The following OGDH variants were observed in gnomAD, a reference collection of about 807,000 sequenced individuals.
The protein encoded by OGDH is 2-oxoglutarate dehydrogenase complex component E1.
OGDH carries 38 observed loss-of-function variants against 116.6 expected under a neutral mutation model. The observed-to-expected ratio is 0.33, with a 90% CI of 0.25 to 0.43. The LOEUF is 0.43. Among genes scored for constraint, OGDH ranks in the 20% least tolerant of loss-of-function variants. The pLI is 1.00. For missense variants in OGDH, 825 were observed against 1,357.2 expected, an observed-to-expected ratio of 0.61 and a Z score of 6.16; for synonymous variants, 488 against 533.3, an observed-to-expected ratio of 0.92 and a Z score of 1.17.
intron 10 of OGDH, 61 bp from the exon 11 acceptor site, chr7:44,693,764 C>A: frequency 3.4e-6 from 5 of 1,486,694 alleles, no homozygotes; most frequent in Non-Finnish European, 4.6e-6. Flanking sequence ...TCAGCCCCGC[C>A]CTCTGGTCCC....
intron 1 of OGDH, among the ~76,000 whole-genome samples, chr7:44,611,221 G>A (rs1210293491): frequency 6.6e-6 from 1 of 151,524 alleles, no homozygotes; most frequent in Non-Finnish European, 1.5e-5. Flanking sequence ...GTAGCTAAGA[G>A]TACCGGAGTC....
Position 44,681,823 on chromosome 7 carries a change from C to T in OGDH, c.1310C>T (p.Thr437Ile), listed in dbSNP as rs1331751751. 1.9e-6 allele frequency: 3 copies of T among 1,614,172 alleles called. No homozygotes were observed. The highest frequency in any genetic ancestry group is 1.7e-5 in the Admixed American group (1 of 60,022). ...SDLPSYTTHG[T>I]VHVVVNNQIG... ...CTGCCATCCTACACAACTCATGGCA[C>T]CGTGCACGTGGTCGTCAACAACCAG... The change falls in exon 10 of 23, where the codon ACC becomes ATC. Residue 437 changes from threonine (T) to isoleucine (I), a missense_variant. By Grantham distance (89) the Thr-to-Ile change is moderately conservative. Transcript: ENST00000222673.
chr7:44,620,313 T>C (rs1307624572), intron 1 of OGDH, among the ~76,000 whole-genome samples: 12 of 152,170 alleles, frequency 7.9e-5, no homozygotes, highest in Admixed American at 7.2e-4. Context: ...GAGCTACCGC[T>C]CCTGGCCAGA....
chr7:44,630,095 T>C (rs1785375455), intron 2 of OGDH, among the ~76,000 whole-genome samples: 1 of 152,236 alleles, frequency 6.6e-6, no homozygotes, highest in Non-Finnish European at 1.5e-5. Context: ...TGGTGTTTTC[T>C]ATGGGTGAAA....
chr7:44,609,249 T>C (rs1192660809), intron 1 of OGDH, among the ~76,000 whole-genome samples: 1 of 149,448 alleles, frequency 6.7e-6, no homozygotes, highest in Non-Finnish European at 1.5e-5. Flanking sequence ...CTTACGCCTG[T>C]AATCCTAGCA....
chr7:44,630,801 G>A (rs753647197), intron 2 of OGDH, among the ~76,000 whole-genome samples: 5 of 152,196 alleles, frequency 3.3e-5, no homozygotes, highest in Admixed American at 1.3e-4. Context: ...GACCAGTTTC[G>A]TGGAAGACAA....
intron 12 of OGDH, among the ~76,000 whole-genome samples, chr7:44,695,082 A>G (rs994922920): frequency 5.3e-5 from 8 of 150,952 alleles, no homozygotes; most frequent in Non-Finnish European, 1.0e-4. Context: ...AGCTTTGTGA[A>G]CCAGTTTTTT....
chr7:44,651,957 G>T (rs972001367), intron 4 of OGDH, among the ~76,000 whole-genome samples: 1 of 152,032 alleles, frequency 6.6e-6, no homozygotes, highest in South Asian at 2.1e-4. Flanking sequence ...ACCTGCCTCC[G>T]CCTCCCAAAG....
At chr7:44,689,392 CTTTTTTTTTTTTTTTTTT>C (rs561058807) in intron 10 of OGDH, among the ~76,000 whole-genome samples, 1 of 71,220 alleles carries the variant, frequency 1.4e-5, no homozygotes, top group Non-Finnish European at 2.7e-5. Flanking sequence ...ATTTTTTTTT[CTTTTTTTTTTTTTTTTTT>C]TTTTTTTTGG....
At chr7:44,673,493 G>T (rs1787559049) in intron 5 of OGDH, among the ~76,000 whole-genome samples, 1 of 152,136 alleles carries the variant, frequency 6.6e-6, no homozygotes, top group African/African-American at 2.4e-5. Flanking sequence ...TGTGCTTCTT[G>T]CCACAAAGGT....
chr7:44,690,247 T>A (rs1788311549), intron 10 of OGDH, among the ~76,000 whole-genome samples: 1 of 152,200 alleles, frequency 6.6e-6, no homozygotes, highest in Non-Finnish European at 1.5e-5. Context: ...TCCAGAAGTT[T>A]TGGATTCCTC....
rs569833231 is a variant in OGDH, at chr7:44,676,922, G to A, written c.1206+773G>A. Among the ~76,000 whole-genome samples the A allele has an allele frequency of 2.6e-5, 4 of 152,226 alleles. No homozygotes were observed. The East Asian group carries it at 5.8e-4, about 22-fold the overall frequency. ...AGTCATGCTTGCTGTGATTAGAGGC[G>A]GGAGTTCACGGGCTGGTAGGAGACG... On this transcript the variant is annotated intron_variant, in intron 9 of 22. Coordinates refer to ENST00000222673, the MANE Select transcript of OGDH (RefSeq NM_002541.4).
chr7:44,706,407 C>A (rs1435154895), intron 20 of OGDH, among the ~76,000 whole-genome samples: 1 of 151,396 alleles, frequency 6.6e-6, no homozygotes, highest in Non-Finnish European at 1.5e-5. Flanking sequence ...CCACAACCTC[C>A]GCCTCCCGGG....
At chr7:44,698,790 A>G (rs1021506029) in intron 18 of OGDH, among the ~76,000 whole-genome samples, 1 of 151,790 alleles carries the variant, frequency 6.6e-6, no homozygotes, top group Non-Finnish European at 1.5e-5. Flanking sequence ...GCAGTGAGCC[A>G]AGATCGTGCC....
intron 4 of OGDH, among the ~76,000 whole-genome samples, chr7:44,663,809 G>A (rs1431155398): frequency 6.6e-6 from 1 of 152,020 alleles, no homozygotes; most frequent in Non-Finnish European, 1.5e-5. Context: ...ACGTGGTGTT[G>A]TGTGCCTGTA....
chr7:44,611,100 G>A (rs1180142132), intron 1 of OGDH, among the ~76,000 whole-genome samples: 1 of 143,050 alleles, frequency 7.0e-6, no homozygotes, highest in Non-Finnish European at 1.5e-5. Context: ...TTGGAGACAC[G>A]GTCTTACTCT....
intron 1 of OGDH, among the ~76,000 whole-genome samples, chr7:44,624,085 A>T (rs554206583): frequency 8.7e-4 from 132 of 152,208 alleles, no homozygotes; most frequent in African/African-American, 3.1e-3. Context: ...GCTCTCAGGC[A>T]CATGAACTGG....
At chr7:44,608,141 G>T (rs993112918) in intron 1 of OGDH, among the ~76,000 whole-genome samples, 1 of 152,126 alleles carries the variant, frequency 6.6e-6, no homozygotes, top group East Asian at 1.9e-4. Context: ...GGTGGCTCAC[G>T]TTTGTAATCC....
intron 4 of OGDH, among the ~76,000 whole-genome samples, chr7:44,665,570 A>G: frequency 6.6e-6 from 1 of 152,056 alleles, no homozygotes; most frequent in East Asian, 1.9e-4. Context: ...AAAATACACA[A>G]TTGTGTTTGC....
Sources: gnomAD v4.1 joint callset for allele counts (sites outside exome capture counted in the v4.1 genomes callset) on GRCh38, gnomAD v4.1.1 for gene constraint, MANE v1.5 for transcripts, NCBI Gene and HGNC (gene_info 2026-07-23, HGNC 2026-07-21) for gene names.